The following KAZN variants were observed in gnomAD, a reference collection of about 807,000 sequenced individuals.
The protein encoded by KAZN is kazrin, periplakin interacting protein, also known as kazrin.
KAZN carries 40 observed loss-of-function variants against 87.4 expected under a neutral mutation model. The ratio of observed to expected loss-of-function variants is 0.46; its 90% CI spans 0.36 to 0.60. The LOEUF is 0.60. Ranked by LOEUF, KAZN falls within the 20% of genes least tolerant of loss-of-function variation. The pLI, the probability that KAZN is intolerant of heterozygous loss-of-function variation, is 0.00. For missense variants in KAZN, 898 were observed against 1,073.9 expected, an observed-to-expected ratio of 0.84 and a Z score of 2.29; for synonymous variants, 466 against 458.3, an observed-to-expected ratio of 1.02 and a Z score of -0.22.
intron 1 of KAZN, among the ~76,000 whole-genome samples, chr1:14,075,624 A>G (rs116483154): frequency 0.016 from 2,482 of 152,282 alleles, 46 homozygotes; most frequent in African/African-American, 0.057. Context: ...ATACCCATGC[A>G]TGCTCAGAAC....
intron 1 of KAZN, among the ~76,000 whole-genome samples, chr1:14,061,132 G>A (rs72861243): frequency 0.022 from 3,358 of 152,272 alleles, 115 homozygotes; most frequent in African/African-American, 0.076. Context: ...TCCAGCAAAC[G>A]GGGGAGTATT....
chr1:14,670,587 G>A (rs1639860023), intron 1 of KAZN, among the ~76,000 whole-genome samples: 1 of 152,206 alleles, frequency 6.6e-6, no homozygotes, highest in African/African-American at 2.4e-5. Flanking sequence ...TGATTCAGTA[G>A]ATCTGGGGAG....
chr1:14,552,444 C>T (rs759627531), intron 2 of KAZN, among the ~76,000 whole-genome samples: 3 of 152,238 alleles, frequency 2.0e-5, no homozygotes, highest in Non-Finnish European at 4.4e-5. Flanking sequence ...CGGCAACCGG[C>T]AGTCTGATTC....
At chr1:14,632,977 C>T (rs1477231695) in intron 1 of KAZN, among the ~76,000 whole-genome samples, 12 of 152,034 alleles carry the variant, frequency 7.9e-5, no homozygotes, top group Middle Eastern at 6.8e-3. Flanking sequence ...AGTGCAGTGG[C>T]GCCATCTCGG....
chr1:14,632,020 T>C (rs530145126), intron 1 of KAZN, among the ~76,000 whole-genome samples: 3 of 152,286 alleles, frequency 2.0e-5, no homozygotes, highest in African/African-American at 7.2e-5. Context: ...CAAACCAAAG[T>C]ATGATTGCCA....
chr1:14,117,066 G>A (rs140210437), intron 1 of KAZN, among the ~76,000 whole-genome samples: 2,536 of 152,322 alleles, frequency 0.017, 35 homozygotes, highest in Middle Eastern at 0.071. Flanking sequence ...AGGTGCAAGG[G>A]ACTTGCCTTG....
chr1:14,661,754 GAAAATGTA>G (rs1225691300), intron 1 of KAZN, among the ~76,000 whole-genome samples: 3 of 152,026 alleles, frequency 2.0e-5, no homozygotes, highest in Non-Finnish European at 4.4e-5. Flanking sequence ...CGTCTCTACT[GAAAATGTA>G]AAAATTAGCT....
intron 1 of KAZN, among the ~76,000 whole-genome samples, chr1:13,924,496 C>T (rs777500768): frequency 6.6e-5 from 10 of 152,146 alleles, no homozygotes; most frequent in Non-Finnish European, 1.5e-4. Context: ...GCCCCAATAT[C>T]ACTAATCTAA....
At chr1:14,146,651 T>A (rs1557513851) in intron 1 of KAZN, among the ~76,000 whole-genome samples, 1 of 151,476 alleles carries the variant, frequency 6.6e-6, no homozygotes, top group Admixed American at 6.6e-5. Flanking sequence ...CAGAATTGAT[T>A]GATAATTTGG....
chr1:14,614,368 G>A (rs925760549), intron 1 of KAZN, among the ~76,000 whole-genome samples: 2 of 152,202 alleles, frequency 1.3e-5, no homozygotes, highest in Admixed American at 6.5e-5. Context: ...TCACCTGGAA[G>A]AGTCCAGAAA....
At chr1:14,851,244 C>T (rs1649399126) in intron 1 of KAZN, among the ~76,000 whole-genome samples, 1 of 152,202 alleles carries the variant, frequency 6.6e-6, no homozygotes, top group African/African-American at 2.4e-5. Context: ...CTTCTTATCA[C>T]ATTGAGCCTG....
At chr1:14,756,870 A>C (rs1233188237) in intron 1 of KAZN, among the ~76,000 whole-genome samples, 1 of 152,256 alleles carries the variant, frequency 6.6e-6, no homozygotes, top group Non-Finnish European at 1.5e-5. Flanking sequence ...GGAGAAAAAA[A>C]AGCAACAGAA....
intron 2 of KAZN, among the ~76,000 whole-genome samples, chr1:14,973,071 A>G (rs1361643961): frequency 6.6e-6 from 1 of 152,078 alleles, no homozygotes; most frequent in Non-Finnish European, 1.5e-5. Flanking sequence ...AGTTGGGGAA[A>G]CTGAGGCTCC....
chr1:14,353,288 G>A (rs1408924474), intron 2 of KAZN, among the ~76,000 whole-genome samples: 4 of 150,000 alleles, frequency 2.7e-5, no homozygotes, highest in Non-Finnish European at 4.4e-5. Context: ...GCAGTGGCGC[G>A]ATCTTGGCTC....
At chr1:14,524,213 G>A (rs1249827203) in intron 2 of KAZN, among the ~76,000 whole-genome samples, 1 of 152,076 alleles carries the variant, frequency 6.6e-6, no homozygotes, top group Non-Finnish European at 1.5e-5. Flanking sequence ...GTAGAGACGG[G>A]GTTTCACCAT....
At chr1:13,893,571 C>T (rs2100816618) in exon 1 of KAZN, 2 of 1,505,986 alleles carry the variant, frequency 1.3e-6, no homozygotes, top group East Asian at 2.5e-5. Context: ...AGCCTCAGAT[C>T]TGCAGTTCCT....
At chr1:14,138,003 GGGGATAATAGTAC>G (rs1645146510) in intron 1 of KAZN, among the ~76,000 whole-genome samples, 1 of 152,090 alleles carries the variant, frequency 6.6e-6, no homozygotes, top group Non-Finnish European at 1.5e-5. Context: ...TGTATGAAAT[GGGGATAATAGTAC>G]GGGCTTTGCA....
chr1:14,550,590 G>A (rs1414312122), intron 2 of KAZN, among the ~76,000 whole-genome samples: 1 of 151,920 alleles, frequency 6.6e-6, no homozygotes, highest in Non-Finnish European at 1.5e-5. Context: ...TACTCTTCCT[G>A]CTCAAAGGAG....
At chr1:14,419,789 T>G (rs148501702) in intron 2 of KAZN, among the ~76,000 whole-genome samples, 4 of 150,734 alleles carry the variant, frequency 2.7e-5, no homozygotes, top group African/African-American at 9.8e-5. Flanking sequence ...CCATCCGGAG[T>G]TGTTCATTCC....
Sources: gnomAD v4.1 joint callset for allele counts (sites outside exome capture counted in the v4.1 genomes callset) on GRCh38, gnomAD v4.1.1 for gene constraint, MANE v1.5 for transcripts, NCBI Gene and HGNC (gene_info 2026-07-23, HGNC 2026-07-21) for gene names.